GNPTAB: variants seen among roughly 807,000 people sequenced by gnomAD.
The protein encoded by GNPTAB is N-acetylglucosamine-1-phosphotransferase subunits alpha/beta.
Under a neutral mutation model 136.6 loss-of-function variants are expected in GNPTAB, and 92 were observed. That is an observed-to-expected ratio of 0.67 (90% CI 0.57 to 0.80). GNPTAB has a LOEUF of 0.80. Ranked by LOEUF, GNPTAB falls within the 30% of genes least tolerant of loss-of-function variation. The pLI, the probability that GNPTAB is intolerant of heterozygous loss-of-function variation, is 0.00. For synonymous variants in GNPTAB, 512 were observed against 535.1 expected (o/e 0.96, Z 0.60); for missense variants, 1,343 against 1,501.8 (o/e 0.89, Z 1.75).
At chr12:101,758,583 T>G (rs1324085598) in intron 16 of GNPTAB, among the ~76,000 whole-genome samples, 1 of 152,248 alleles carries the variant, frequency 6.6e-6, no homozygotes, top group Non-Finnish European at 1.5e-5. Context: ...CTTTATTAAT[T>G]TGGTAATGTT....
intron 7 of GNPTAB, among the ~76,000 whole-genome samples, chr12:101,772,077 G>A (rs557582172): frequency 2.0e-5 from 3 of 152,308 alleles, no homozygotes; most frequent in South Asian, 2.1e-4. Context: ...AAATCTAAGC[G>A]TGAACATCAC....
At chr12:101,802,887 AAATCCTT>A (rs1476645728) in intron 1 of GNPTAB, among the ~76,000 whole-genome samples, 1 of 152,120 alleles carries the variant, frequency 6.6e-6, no homozygotes, top group African/African-American at 2.4e-5. Context: ...AAAACCACTA[AAATCCTT>A]AATCTCCAGT....
intron 11 of GNPTAB, among the ~76,000 whole-genome samples, chr12:101,767,640 TGA>T (rs1953113940): frequency 6.6e-6 from 1 of 152,224 alleles, no homozygotes; most frequent in African/African-American, 2.4e-5. Flanking sequence ...TTGTTTGTTT[TGA>T]GAGAGGCTGT....
intron 1 of GNPTAB, among the ~76,000 whole-genome samples, chr12:101,799,569 T>C (rs1318686714): frequency 6.6e-6 from 1 of 152,220 alleles, no homozygotes; most frequent in Admixed American, 6.5e-5. Context: ...TGGGCTTTCC[T>C]TACCTGTAAT....
intron 1 of GNPTAB, among the ~76,000 whole-genome samples, chr12:101,816,582 G>A (rs1017180272): frequency 6.6e-6 from 1 of 152,192 alleles, no homozygotes; most frequent in Non-Finnish European, 1.5e-5. Flanking sequence ...GGCAATGCTT[G>A]TACTCTGTTA....
Position 101,810,303 on chromosome 12 carries a change from A to G in GNPTAB, c.118-13541T>C, listed in dbSNP as rs191139799. 9.7e-4 allele frequency among the ~76,000 whole-genome samples: 148 copies of G among 151,992 alleles called. 1 individual carries two copies. The highest frequency in any genetic ancestry group is 7.5e-3 in the Admixed American group (115 of 15,234). ...ATTAAAAATGTATGGAGAACTATTT[A>G]GGGGAGAGGGAGTATACAGGAATTT... On this transcript the variant is annotated intron_variant, in intron 1 of 20. Coordinates refer to ENST00000299314, the MANE Select transcript of GNPTAB (RefSeq NM_024312.5).
chr12:101,802,052 T>C (rs1443036396), intron 1 of GNPTAB, among the ~76,000 whole-genome samples: 1 of 150,756 alleles, frequency 6.6e-6, no homozygotes, highest in East Asian at 1.9e-4. Context: ...AACAAATCAA[T>C]TCGCCGGGCA....
intron 16 of GNPTAB, among the ~76,000 whole-genome samples, chr12:101,758,195 C>T (rs999311082): frequency 6.6e-6 from 1 of 152,164 alleles, no homozygotes; most frequent in Admixed American, 6.5e-5. Context: ...CCCGCCACCA[C>T]ACCCAACTCA....
At chr12:101,783,467 G>A (rs1366614727) in intron 5 of GNPTAB, among the ~76,000 whole-genome samples, 1 of 152,182 alleles carries the variant, frequency 6.6e-6, no homozygotes, top group African/African-American at 2.4e-5. Flanking sequence ...AAGTTATAAG[G>A]AAGCAGTTTG....
chr12:101,824,890 A>G (rs1490169703), intron 1 of GNPTAB, among the ~76,000 whole-genome samples: 1 of 152,218 alleles, frequency 6.6e-6, no homozygotes, highest in Non-Finnish European at 1.5e-5. Flanking sequence ...CTAGTAATTC[A>G]AAAAGAAAAA....
At position 101,830,757 on chromosome 12, in the gene GNPTAB, G is replaced by C; in HGVS notation, c.-82C>G. Reference sequence around the variant, plus strand: ...GCCGCCTCAGCGAGCCGCCATTCAGGGGCCCCGGTCGGGCCGCCGCGCGCA... The same window carrying C: ...GCCGCCTCAGCGAGCCGCCATTCAGCGGCCCCGGTCGGGCCGCCGCGCGCA... On this transcript the variant is annotated 5_prime_UTR_variant, in exon 1 of 21. Coordinates refer to ENST00000299314, the MANE Select transcript of GNPTAB (RefSeq NM_024312.5). The C allele has an allele frequency of 1.2e-6, 1 of 856,442 alleles. No individual in the cohort carries two copies. Among genetic ancestry groups the C allele is most frequent in the South Asian group, 1.5e-5 (1 of 66,504 alleles). The allele number at this position is 856,442 out of a possible 1,614,324, so 53.1% of individuals were successfully genotyped here. A position where few individuals can be genotyped will look rare whatever the true frequency, so the allele number is the denominator to read the frequency against.
intron 1 of GNPTAB, among the ~76,000 whole-genome samples, chr12:101,804,530 G>A (rs533717914): frequency 6.6e-6 from 1 of 152,268 alleles, no homozygotes; most frequent in African/African-American, 2.4e-5. Flanking sequence ...ATAATGTCCT[G>A]GCAAATAGTT....
Position 101,830,747 on chromosome 12 carries a change from C to G in GNPTAB, c.-72G>C, listed in dbSNP as rs868739936. On this transcript the variant is annotated 5_prime_UTR_variant, in exon 1 of 21. Coordinates refer to ENST00000299314, the MANE Select transcript of GNPTAB (RefSeq NM_024312.5). ...CGCCGCCGCCGCCGCCTCAGCGAGCCGCCATTCAGGGGCCCCGGTCGGGCC... is the reference window on the plus strand; with the variant it reads ...CGCCGCCGCCGCCGCCTCAGCGAGCGGCCATTCAGGGGCCCCGGTCGGGCC... The G allele has an allele frequency of 1.0e-6, 1 of 973,000 alleles. No individual in the cohort carries two copies. The highest frequency in any genetic ancestry group is 1.6e-6 in the Non-Finnish European group (1 of 632,876). 60.3% of individuals were successfully genotyped at this position (973,000 alleles called of 1,614,324 possible).
At chr12:101,820,242 G>A (rs889303358) in intron 1 of GNPTAB, among the ~76,000 whole-genome samples, 1 of 152,236 alleles carries the variant, frequency 6.6e-6, no homozygotes, top group African/African-American at 2.4e-5. Flanking sequence ...ATTCACTTAA[G>A]AACTACAAGT....
intron 8 of GNPTAB, 51 bp from the exon 9 acceptor site, chr12:101,770,636 C>T: frequency 7.9e-7 from 1 of 1,273,848 alleles, no homozygotes; most frequent in Non-Finnish European, 1.1e-6. Flanking sequence ...TTAAGTCATA[C>T]CTCCTCCTCT....
chr12:101,827,903 G>T (rs1871178975), intron 1 of GNPTAB, among the ~76,000 whole-genome samples: 1 of 152,122 alleles, frequency 6.6e-6, no homozygotes, highest in Non-Finnish European at 1.5e-5. Context: ...GAAGGTGGAG[G>T]TTGCAGTGAG....
Position 101,765,243 on chromosome 12 carries a change from T to C in GNPTAB, c.1674A>G (p.Pro558=). The change falls in exon 13 of 21, where the codon CCA becomes CCG. Residue 558 remains proline (P), a synonymous_variant. Coordinates refer to ENST00000299314, the MANE Select transcript of GNPTAB (RefSeq NM_024312.5). ...LLPNQTHYII[P]KGECLPYFSF... ...TGAAATAAGGCAGGCATTCACCTTT[T>C]GGAATAATATAGTGAGTCTGGTTTG... is the stretch of plus-strand genomic sequence containing the variant. 1 of 1,614,086 alleles carries C rather than the reference T, an allele frequency of 6.2e-7. No individual in the cohort carries two copies.
At chr12:101,812,290 T>C (rs1279271611) in intron 1 of GNPTAB, among the ~76,000 whole-genome samples, 1 of 151,942 alleles carries the variant, frequency 6.6e-6, no homozygotes, top group East Asian at 2.0e-4. Context: ...ATCTGAGAAC[T>C]CACTCACTAA....
At chr12:101,785,285 C>T (rs1868565694) in intron 5 of GNPTAB, among the ~76,000 whole-genome samples, 1 of 152,228 alleles carries the variant, frequency 6.6e-6, no homozygotes, top group Non-Finnish European at 1.5e-5. Context: ...ACTGCTCAGC[C>T]TTGAATTCCT....
Sources: gnomAD v4.1 joint callset for allele counts (sites outside exome capture counted in the v4.1 genomes callset) on GRCh38, gnomAD v4.1.1 for gene constraint, MANE v1.5 for transcripts, NCBI Gene and HGNC (gene_info 2026-07-23, HGNC 2026-07-21) for gene names.